The following ANKS1B variants were observed in gnomAD, a reference collection of about 807,000 sequenced individuals.
ANKS1B encodes the protein ankyrin repeat and sterile alpha motif domain containing 1B, also known as ankyrin repeat and sterile alpha motif domain-containing protein 1B.
ANKS1B carries 36 observed loss-of-function variants against 148.3 expected under a neutral mutation model. The observed-to-expected ratio is 0.24, with a 90% confidence interval of 0.19 to 0.32. The LOEUF is 0.32. Ranked by LOEUF, ANKS1B falls within the 10% of genes least tolerant of loss-of-function variation. The pLI is 1.00. For synonymous variants in ANKS1B, 542 were observed against 560.8 expected (o/e 0.97, Z 0.47); for missense variants, 1,157 against 1,542.6 (o/e 0.75, Z 4.19).
At position 98,745,850 on chromosome 12, in the gene ANKS1B, C is replaced by CT; in HGVS notation, c.3748-2dup. On this transcript the variant is annotated splice_acceptor_variant, in intron 26 of 26. Transcript: ENST00000683438. LOFTEE classifies it high-confidence loss of function. The stretch of plus-strand genomic sequence containing the variant: ...TCTTTTGCTCAGATGGGTCGATCTG[C>CT]TTTAAAACAGAAAGGCTGATGCCTG... 20 of 1,611,792 alleles carry CT rather than the reference C, an allele frequency of 1.2e-5. No individual in the cohort carries two copies. Among genetic ancestry groups the CT allele is most frequent in the Non-Finnish European group, 1.7e-5 (20 of 1,178,950 alleles).
chr12:99,684,925 C>T (rs766446258), intron 8 of ANKS1B, among the ~76,000 whole-genome samples: 2 of 152,070 alleles, frequency 1.3e-5, no homozygotes, highest in Non-Finnish European at 2.9e-5. Context: ...CAAAAATCAA[C>T]CCAAGACGAA....
chr12:99,906,603 C>T (rs1279641781), intron 1 of ANKS1B, among the ~76,000 whole-genome samples: 7 of 152,174 alleles, frequency 4.6e-5, no homozygotes, highest in Admixed American at 4.6e-4. Flanking sequence ...GCCTCTGGGA[C>T]AAGTTGACAC....
At chr12:98,938,601 A>G (rs2099826309) in intron 17 of ANKS1B, among the ~76,000 whole-genome samples, 2 of 152,248 alleles carry the variant, frequency 1.3e-5, no homozygotes, top group African/African-American at 4.8e-5. Context: ...CAGTTGTGAA[A>G]GCTTCTGTCT....
chr12:99,317,500 T>G (rs1198787527), intron 12 of ANKS1B, among the ~76,000 whole-genome samples: 2 of 152,226 alleles, frequency 1.3e-5, no homozygotes, highest in African/African-American at 4.8e-5. Context: ...CTGTGATTTT[T>G]GCACATTGAT....
chr12:99,884,978 CTATT>C (rs2092744302), intron 1 of ANKS1B, among the ~76,000 whole-genome samples: 2 of 151,564 alleles, frequency 1.3e-5, no homozygotes, highest in Admixed American at 6.6e-5. Context: ...ATTACCATCA[CTATT>C]TAATGTGATC....
intron 17 of ANKS1B, among the ~76,000 whole-genome samples, chr12:98,876,502 C>T (rs1021260516): frequency 2.6e-5 from 4 of 152,218 alleles, no homozygotes; most frequent in Non-Finnish European, 5.9e-5. Context: ...CATGCTTGCT[C>T]CTGTCCCACG....
chr12:99,651,297 T>G (rs968939812), intron 9 of ANKS1B, among the ~76,000 whole-genome samples: 1 of 152,212 alleles, frequency 6.6e-6, no homozygotes, highest in Non-Finnish European at 1.5e-5. Flanking sequence ...CAAGGTTACA[T>G]TACTGAGAAA....
At chr12:99,531,372 C>A (rs11109900) in intron 9 of ANKS1B, among the ~76,000 whole-genome samples, 5 of 152,114 alleles carry the variant, frequency 3.3e-5, no homozygotes, top group African/African-American at 1.2e-4. Flanking sequence ...AACTCTCCCC[C>A]CTTCTGAGTC....
chr12:99,648,228 G>A (rs1306154451), intron 9 of ANKS1B: 1 of 1,614,174 alleles, frequency 6.2e-7, no homozygotes, highest in South Asian at 1.1e-5. Context: ...GCCCCGCAAT[G>A]GGCATGTTTA....
intron 10 of ANKS1B, among the ~76,000 whole-genome samples, chr12:99,488,382 A>G (rs1480587080): frequency 6.6e-6 from 1 of 152,142 alleles, no homozygotes; most frequent in South Asian, 2.1e-4. Flanking sequence ...AACTAGGGAC[A>G]TTTTAATTAA....
chr12:99,936,086 G>A (rs557922291), intron 1 of ANKS1B, among the ~76,000 whole-genome samples: 7 of 152,040 alleles, frequency 4.6e-5, no homozygotes, highest in African/African-American at 1.7e-4. Flanking sequence ...AACAGCATGG[G>A]GGAAACCAAC....
At chr12:99,720,130 C>A (rs190250623) in intron 8 of ANKS1B, among the ~76,000 whole-genome samples, 9 of 152,326 alleles carry the variant, frequency 5.9e-5, no homozygotes, top group Non-Finnish European at 1.2e-4. Context: ...TCATAGAAAT[C>A]TATCCTCAAG....
intron 14 of ANKS1B, among the ~76,000 whole-genome samples, chr12:99,188,611 A>G (rs1294008858): frequency 1.3e-5 from 2 of 152,238 alleles, no homozygotes; most frequent in South Asian, 2.1e-4. Context: ...TAAATAATGA[A>G]ATGAAGGCAG....
chr12:99,542,867 G>A (rs371651500), intron 9 of ANKS1B, among the ~76,000 whole-genome samples: 5 of 152,138 alleles, frequency 3.3e-5, no homozygotes, highest in South Asian at 4.1e-4. Flanking sequence ...AAACGAAAGG[G>A]TAAACTCTAC....
chr12:98,838,266 T>A (rs191949275), intron 17 of ANKS1B, among the ~76,000 whole-genome samples: 1 of 152,220 alleles, frequency 6.6e-6, no homozygotes, highest in Non-Finnish European at 1.5e-5. Flanking sequence ...CCGTTCTCAA[T>A]GCCATGTTTA....
chr12:99,359,821 G>C (rs965699716), intron 12 of ANKS1B, among the ~76,000 whole-genome samples: 1 of 151,948 alleles, frequency 6.6e-6, no homozygotes, highest in Non-Finnish European at 1.5e-5. Context: ...TGTAAACCAC[G>C]TTTAATTATT....
Position 99,906,109 on chromosome 12 carries a change from TG to T in ANKS1B, c.134+77994del, listed in dbSNP as rs145562762. Among the ~76,000 whole-genome samples, 17 of 152,302 alleles carry T rather than the reference TG, an allele frequency of 1.1e-4. No homozygotes were observed. In the East Asian group the frequency reaches 3.1e-3, roughly 28 times the overall value. ...CGATTATGGGGTATGTTACAAATTA[TG>T]GGTGTTCTGGCCACACTCAGAAATT... On this transcript the variant is annotated intron_variant, in intron 1 of 26. Coordinates refer to ENST00000683438, the MANE Select transcript of ANKS1B (RefSeq NM_001352186.2).
intron 24 of ANKS1B, among the ~76,000 whole-genome samples, chr12:98,777,396 G>A (rs968189371): frequency 1.6e-4 from 24 of 152,168 alleles, no homozygotes; most frequent in African/African-American, 5.3e-4. Context: ...TTAGCCAGAT[G>A]GGAAGGCTGA....
At chr12:99,555,848 A>G (rs867013862) in intron 9 of ANKS1B, among the ~76,000 whole-genome samples, 38 of 152,174 alleles carry the variant, frequency 2.5e-4, no homozygotes, top group African/African-American at 8.4e-4. Context: ...GTATTTTGTT[A>G]AGGATTTTTG....
Sources: gnomAD v4.1 joint callset for allele counts (sites outside exome capture counted in the v4.1 genomes callset) on GRCh38, gnomAD v4.1.1 for gene constraint, MANE v1.5 for transcripts, NCBI Gene and HGNC (gene_info 2026-07-23, HGNC 2026-07-21) for gene names.